MDGA2: variants seen among roughly 807,000 people sequenced by gnomAD.
MDGA2 encodes the protein MAM domain-containing glycosylphosphatidylinositol anchor protein 2.
In MDGA2, 40 loss-of-function variants were observed where a neutral mutation model predicts 117.8. That is an observed-to-expected ratio of 0.34 (90% CI 0.26 to 0.44). The LOEUF is 0.44. Ranked by LOEUF, MDGA2 falls within the 20% of genes least tolerant of loss-of-function variation. MDGA2 has a pLI of 1.00. For missense variants in MDGA2, 1,123 were observed against 1,250.6 expected (o/e 0.90, Z 1.54); for synonymous variants, 452 against 439.0 (o/e 1.03, Z -0.37).
intron 2 of MDGA2, among the ~76,000 whole-genome samples, chr14:47,256,097 CTTTTTTT>C (rs113355073): frequency 1.5e-5 from 2 of 136,114 alleles, no homozygotes; most frequent in Admixed American, 1.5e-4. Context: ...AATCAAATTT[CTTTTTTT>C]TTTTTTTTCT....
At chr14:46,973,748 T>C (rs1351023309) in intron 8 of MDGA2, among the ~76,000 whole-genome samples, 1 of 152,078 alleles carries the variant, frequency 6.6e-6, no homozygotes, top group Non-Finnish European at 1.5e-5. Flanking sequence ...AAACTAAAAT[T>C]ACCTCTGTTT....
chr14:46,887,110 C>A (rs1203725832), intron 10 of MDGA2, among the ~76,000 whole-genome samples: 3 of 151,998 alleles, frequency 2.0e-5, no homozygotes, highest in Non-Finnish European at 2.9e-5. Flanking sequence ...CTATTAGTAG[C>A]TTCTTCTAAT....
intron 1 of MDGA2, among the ~76,000 whole-genome samples, chr14:47,358,725 T>C (rs907199579): frequency 4.6e-5 from 7 of 152,104 alleles, no homozygotes; most frequent in African/African-American, 1.7e-4. Flanking sequence ...GCATTAGAAA[T>C]AATAAACTAC....
At chr14:46,854,994 CAATT>C in intron 15 of MDGA2, 26 bp downstream of exon 15, 1 of 1,554,734 alleles carries the variant, frequency 6.4e-7, no homozygotes, top group Non-Finnish European at 8.7e-7. Context: ...TCATTTACAG[CAATT>C]AATTAGCCAA....
intron 1 of MDGA2, among the ~76,000 whole-genome samples, chr14:47,459,679 A>C (rs1185835724): frequency 6.6e-6 from 1 of 151,936 alleles, no homozygotes; most frequent in African/African-American, 2.4e-5. Flanking sequence ...TAAACTCTTA[A>C]AGTGAAATTA....
rs201214598 is a variant in MDGA2 at position 46,917,799 on chromosome 14, A to G, written c.2238+2213T>C. 2.6e-5 allele frequency among the ~76,000 whole-genome samples: 4 copies of G among 152,292 alleles called. No homozygotes were observed. The East Asian group carries it at 7.7e-4, about 29-fold the overall frequency. Reference sequence around the variant, plus strand: ...TCATGTCAGGAAAGGAAAATAAAAGAAGACTTTGTCACTGGAAAATGGTGT... The same window carrying G: ...TCATGTCAGGAAAGGAAAATAAAAGGAGACTTTGTCACTGGAAAATGGTGT... On this transcript the variant is annotated intron_variant, in intron 10 of 16. Transcript: ENST00000399232.
intron 2 of MDGA2, among the ~76,000 whole-genome samples, chr14:47,234,708 T>C (rs1437492112): frequency 6.6e-6 from 1 of 152,136 alleles, no homozygotes; most frequent in Non-Finnish European, 1.5e-5. Context: ...CATTTATACA[T>C]TCATTATTTT....
intron 3 of MDGA2, among the ~76,000 whole-genome samples, chr14:47,146,474 C>T (rs745729105): frequency 6.6e-6 from 1 of 152,020 alleles, no homozygotes; most frequent in Non-Finnish European, 1.5e-5. Flanking sequence ...TTAGGGATAC[C>T]AGCATCATTA....
At chr14:47,431,497 T>C (rs1355936496) in intron 1 of MDGA2, among the ~76,000 whole-genome samples, 1 of 151,924 alleles carries the variant, frequency 6.6e-6, no homozygotes, top group Non-Finnish European at 1.5e-5. Flanking sequence ...CAAAAAGAAT[T>C]TGTTAAATAT....
At chr14:47,551,000 T>C (rs1895570357) in intron 1 of MDGA2, among the ~76,000 whole-genome samples, 1 of 152,186 alleles carries the variant, frequency 6.6e-6, no homozygotes, top group Admixed American at 6.6e-5. Context: ...ACCTAGCCTT[T>C]TTAAAGCACA....
At chr14:47,619,156 CAT>C (rs1566544462) in intron 1 of MDGA2, among the ~76,000 whole-genome samples, 58 of 141,856 alleles carry the variant, frequency 4.1e-4, no homozygotes, top group African/African-American at 1.6e-3. Context: ...CACACAGATA[CAT>C]TATCTACAAA....
chr14:47,005,083 C>T lies in MDGA2; in HGVS notation c.1819+29928G>A, dbSNP rs377531326. Among the ~76,000 whole-genome samples the T allele has an allele frequency of 1.5e-3, 222 of 151,438 alleles. 3 individuals are homozygous for T. Among genetic ancestry groups the T allele is most frequent in the Non-Finnish European group, 2.8e-3 (187 of 67,580 alleles). On this transcript the variant is annotated intron_variant, in intron 8 of 16. Transcript: ENST00000399232. Reference sequence around the variant, plus strand: ...AGTTTATTTCTTTGCAATATTGATGCGATTTATGTTTTTTCCTTGTCTTAT... The same window carrying T: ...AGTTTATTTCTTTGCAATATTGATGTGATTTATGTTTTTTCCTTGTCTTAT...
chr14:47,668,165 G>T (rs1421763945), intron 1 of MDGA2, among the ~76,000 whole-genome samples: 1 of 152,122 alleles, frequency 6.6e-6, no homozygotes, highest in East Asian at 1.9e-4. Context: ...AAAAGAAACA[G>T]TTTTTAAAAA....
intron 2 of MDGA2, among the ~76,000 whole-genome samples, chr14:47,254,300 T>C (rs1887546941): frequency 6.6e-6 from 1 of 152,154 alleles, no homozygotes. Flanking sequence ...AGGGTGCAAA[T>C]TTTCCAAAAT....
chr14:47,125,643 A>ATT (rs2139123841), intron 5 of MDGA2, among the ~76,000 whole-genome samples: 1 of 152,100 alleles, frequency 6.6e-6, no homozygotes, highest in African/African-American at 2.4e-5. Context: ...AGAAAGATAA[A>ATT]TATTTTCCCT....
chr14:47,599,856 A>C (rs1399817176), intron 1 of MDGA2, among the ~76,000 whole-genome samples: 1 of 152,160 alleles, frequency 6.6e-6, no homozygotes, highest in Admixed American at 6.5e-5. Context: ...AAAATGAAGA[A>C]GAGGTCTTTT....
At chr14:46,904,344 GGAGA>G (rs1883407509) in intron 10 of MDGA2, among the ~76,000 whole-genome samples, 1 of 148,406 alleles carries the variant, frequency 6.7e-6, no homozygotes, top group Non-Finnish European at 1.5e-5. Flanking sequence ...TGAGAGAGAG[GGAGA>G]CTCTGTCTCA....
chr14:47,110,827 C>T (rs1348562436), intron 5 of MDGA2, among the ~76,000 whole-genome samples: 1 of 152,108 alleles, frequency 6.6e-6, no homozygotes, highest in African/African-American at 2.4e-5. Context: ...TTTGGCTACT[C>T]AAATGTCTAC....
chr14:47,501,008 A>G (rs1265267360), intron 1 of MDGA2, among the ~76,000 whole-genome samples: 1 of 152,182 alleles, frequency 6.6e-6, no homozygotes, highest in Non-Finnish European at 1.5e-5. Flanking sequence ...TATATTTTAT[A>G]ATGCAAAAAT....
Sources: gnomAD v4.1 joint callset for allele counts (sites outside exome capture counted in the v4.1 genomes callset) on GRCh38, gnomAD v4.1.1 for gene constraint, MANE v1.5 for transcripts, NCBI Gene and HGNC (gene_info 2026-07-23, HGNC 2026-07-21) for gene names.